The following RCOR2 variants were observed in gnomAD, a reference collection of about 807,000 sequenced individuals.
RCOR2 encodes REST corepressor 2.
A neutral mutation model predicts 58.9 loss-of-function variants in RCOR2; 19 were observed. That is an observed-to-expected ratio of 0.32 (90% CI 0.23 to 0.47). The LOEUF (loss-of-function observed/expected upper bound fraction) is 0.47, where lower values mean the gene tolerates loss of function less well. Ranked by LOEUF, RCOR2 falls within the 20% of genes least tolerant of loss-of-function variation. The pLI, the probability that RCOR2 is intolerant of heterozygous loss-of-function variation, is 1.00. For synonymous variants in RCOR2, 286 were observed against 278.7 expected, an observed-to-expected ratio of 1.03 and a Z score of -0.26; for missense variants, 590 against 707.9, an observed-to-expected ratio of 0.83 and a Z score of 1.89.
Position 63,916,503 on chromosome 11 carries a change from A to G in RCOR2, c.-47T>C, listed in dbSNP as rs1272151356. 6.4e-7 allele frequency: 1 copy of G among 1,573,888 alleles called. No individual in the cohort carries two copies. Among genetic ancestry groups the G allele is most frequent in the Non-Finnish European group, 8.6e-7 (1 of 1,162,346 alleles). ...GGGGCGCAGGAGCCTTCGGAGAGCG[A>G]CAGTGGTTGCCGCACTCGCTCCGAG... is the stretch of plus-strand genomic sequence containing the variant. On this transcript the variant is annotated 5_prime_UTR_variant, in exon 1 of 12. Coordinates refer to ENST00000301459, the MANE Select transcript of RCOR2 (RefSeq NM_173587.4).
rs1941865197 is a variant in RCOR2, at chr11:63,916,854, A to G, written c.-398T>C. The G allele has an allele frequency of 5.8e-6, 1 of 173,370 alleles. No individual in the cohort carries two copies. Among genetic ancestry groups the G allele is most frequent in the Admixed American group, 6.1e-5 (1 of 16,296 alleles). The allele number at this position is 173,370 out of a possible 1,614,324, so 10.7% of individuals were successfully genotyped here. On this transcript the variant is annotated 5_prime_UTR_variant, in exon 1 of 12. Transcript: ENST00000301459. The stretch of plus-strand genomic sequence containing the variant: ...TTCAGCGGCTGGGCGCTGGAGCGCA[A>G]TCTGCGCCCCCCGGGCTCTGCGCCT...
At chr11:63,917,734 CTGCTGCAGTA>C (rs1941881066), upstream of RCOR2, among the ~76,000 whole-genome samples, 1 of 152,164 alleles carries the variant, frequency 6.6e-6, no homozygotes. Flanking sequence ...TTCCCTTTAA[CTGCTGCAGTA>C]TGCACCCCTA....
At position 63,916,754 on chromosome 11, in the gene RCOR2, G is replaced by T. The variant is rs991749876; in HGVS notation, c.-298C>A. The stretch of plus-strand genomic sequence containing the variant: ...GTGATTACTATGTACGCCCCTCAGG[G>T]TTGGGGTTCCCCTGAAGTCGGGGCC... On this transcript the variant is annotated 5_prime_UTR_variant, in exon 1 of 12. Coordinates refer to ENST00000301459, the MANE Select transcript of RCOR2 (RefSeq NM_173587.4). 1 of 344,010 alleles carries T rather than the reference G, an allele frequency of 2.9e-6. No individual in the cohort carries two copies. Among genetic ancestry groups the T allele is most frequent in the Non-Finnish European group, 5.3e-6 (1 of 189,214 alleles). 21.3% of individuals were successfully genotyped at this position (344,010 alleles called of 1,614,324 possible). A position where few individuals can be genotyped will look rare whatever the true frequency, so the allele number is the denominator to read the frequency against.
At chr11:63,927,517 C>T in the RCOR2 span, among the ~76,000 whole-genome samples, 1 of 152,124 alleles carries the variant, frequency 6.6e-6, no homozygotes, top group Non-Finnish European at 1.5e-5. Context: ...GATCTGCCCG[C>T]CTCAGCCTCC....
At chr11:63,916,285 T>TC (rs771787581) in intron 1 of RCOR2, 45 bp downstream of exon 1, 2 of 1,498,782 alleles carry the variant, frequency 1.3e-6, no homozygotes, top group Non-Finnish European at 1.8e-6. Context: ...CCCACTCCGC[T>TC]CCCCCCAGGC....
chr11:63,913,944 A>G lies in RCOR2; in HGVS notation c.891+10T>C. 8 of 1,612,704 alleles carry G rather than the reference A, an allele frequency of 5.0e-6. No individual in the cohort carries two copies. The highest frequency in any genetic ancestry group is 6.8e-6 in the Non-Finnish European group (8 of 1,179,332). On this transcript the variant is annotated intron_variant, in intron 8 of 11. Coordinates refer to ENST00000301459, the MANE Select transcript of RCOR2 (RefSeq NM_173587.4). ...CCTTTGCATAGCCCGTTCATTTCCC[A>G]GGGCCCCACCTGGCGCTTGAGGGAG... is the stretch of plus-strand genomic sequence containing the variant.
In RCOR2 at chr11:63,912,143, A is replaced by C. The variant is rs1345993476; in HGVS notation, c.1294T>G (p.Ser432Ala). ...ITSVSTSVPR[S>A]VPPAPPPPPP... The stretch of plus-strand genomic sequence containing the variant: ...GGGGGTGGTGGCGCAGGGGGCACTG[A>C]TCGGGGCACGGACGTGGAGACCGAT... Residue 432 changes from serine (S) to alanine (A), a missense_variant, in exon 12 of 12, where the codon TCA becomes GCA. Physicochemically the swap from Ser to Ala is moderately conservative, Grantham distance 99 (BLOSUM62 1). Transcript: ENST00000301459. 1 of 1,527,962 alleles carries C rather than the reference A, an allele frequency of 6.5e-7. No individual in the cohort carries two copies. Among genetic ancestry groups the C allele is most frequent in the Non-Finnish European group, 8.8e-7 (1 of 1,142,814 alleles). The allele number at this position is 1,527,962 out of a possible 1,614,324, so 94.7% of individuals were successfully genotyped here.
In RCOR2 at chr11:63,915,466, G is replaced by A; in HGVS notation, c.184+89C>T. 4 of 1,385,966 alleles carry A rather than the reference G, an allele frequency of 2.9e-6. No homozygotes were observed. In the South Asian group the frequency reaches 5.0e-5, roughly 17 times the overall value. The allele number at this position is 1,385,966 out of a possible 1,614,324, so 85.9% of individuals were successfully genotyped here. On this transcript the variant is annotated intron_variant, in intron 2 of 11. Transcript: ENST00000301459. ...CCCCTGCCAGCCTGCCCTTCCAGGG[G>A]AGCCAATCAAGGGCGCCCCAGGTGG...
Position 63,911,634 on chromosome 11 carries a change from G to A in RCOR2, c.*231C>T, listed in dbSNP as rs998289917. Reference sequence around the variant, plus strand: ...CCAGTACCGGCCAGGAAGCGAAAGTGCCCTCAGGCCAGCTCAAAGGCCCCT... The same window carrying A: ...CCAGTACCGGCCAGGAAGCGAAAGTACCCTCAGGCCAGCTCAAAGGCCCCT... On this transcript the variant is annotated 3_prime_UTR_variant, in exon 12 of 12. Transcript: ENST00000301459. The A allele has an allele frequency of 1.8e-5, 10 of 541,456 alleles. No homozygotes were observed. Among genetic ancestry groups the A allele is most frequent in the Non-Finnish European group, 3.0e-5 (10 of 336,114 alleles). 33.5% of individuals were successfully genotyped at this position (541,456 alleles called of 1,614,324 possible).
upstream of RCOR2, among the ~76,000 whole-genome samples, chr11:63,919,691 G>A (rs1013333876): frequency 6.6e-6 from 1 of 152,232 alleles, no homozygotes; most frequent in African/African-American, 2.4e-5. Flanking sequence ...GCGCGGCCGA[G>A]AACCCGGGGC....
At position 63,912,502 on chromosome 11, in the gene RCOR2, T is replaced by C. The variant is rs1479720117; in HGVS notation, c.1060A>G (p.Ile354Val). 2 of 1,613,952 alleles carry C rather than the reference T, an allele frequency of 1.2e-6. No homozygotes were observed. Among genetic ancestry groups the C allele is most frequent in the Non-Finnish European group, 8.5e-7 (1 of 1,179,948 alleles). ...GTCTTGTTCCCAATCACCTCTGCAA[T>C]AGCCCCAAAGTCTTTGCCATACCTA... is the stretch of plus-strand genomic sequence containing the variant. ...IRRYGKDFGAIAEVIGNKTLT... is the reference protein window; with the variant it reads ...IRRYGKDFGAVAEVIGNKTLT... The change falls in exon 11 of 12, where the codon ATT becomes GTT. Residue 354 changes from isoleucine (I) to valine (V), a missense_variant. Coordinates refer to ENST00000301459, the MANE Select transcript of RCOR2 (RefSeq NM_173587.4).
Position 63,915,674 on chromosome 11 carries a change from G to A in RCOR2, c.128-63C>T, listed in dbSNP as rs571159384. 51 of 1,287,758 alleles carry A rather than the reference G, an allele frequency of 4.0e-5. No individual in the cohort carries two copies. In the African/African-American group the frequency reaches 6.8e-4, roughly 17 times the overall value. The allele number at this position is 1,287,758 out of a possible 1,614,324, so 79.8% of individuals were successfully genotyped here. A position where few individuals can be genotyped will look rare whatever the true frequency, so the allele number is the denominator to read the frequency against. On this transcript the variant is annotated intron_variant, in intron 1 of 11. Coordinates refer to ENST00000301459, the MANE Select transcript of RCOR2 (RefSeq NM_173587.4). ...GGGCGGGCGGGAGGGAGGATGTGGC[G>A]GGCGGGGGAGGTGGCCGGCCTGGAG... is the stretch of plus-strand genomic sequence containing the variant.
intron 1 of RCOR2, 42 bp from the exon 2 acceptor site, chr11:63,915,653 GGGCGGGAGGGAGGATGT>G: frequency 8.9e-7 from 1 of 1,127,966 alleles, no homozygotes; most frequent in Non-Finnish European, 1.3e-6. Context: ...CAGGGAGGGC[GGGCGGGAGGGAGGATGT>G]GGCGGGCGGG....
rs1006496514 is a variant in RCOR2 at position 63,916,985 on chromosome 11, G to GCGGCGA, written c.-530_-529insTCGCCG. The GCGGCGA allele has an allele frequency of 4.7e-5, 7 of 147,664 alleles. No individual in the cohort carries two copies. Among genetic ancestry groups the GCGGCGA allele is most frequent in the Non-Finnish European group, 1.1e-4 (7 of 66,092 alleles). The allele number at this position is 147,664 out of a possible 1,614,324, so 9.1% of individuals were successfully genotyped here. On this transcript the variant is annotated 5_prime_UTR_variant, in exon 1 of 12. Transcript: ENST00000301459. The stretch of plus-strand genomic sequence containing the variant: ...CGGGGCACCGGCGGCGGCGGCGGCG[G>GCGGCGA]CGACGGCGGCGGGACGGCGCGCACG...
intron 2 of RCOR2, 33 bp from the exon 3 acceptor site, chr11:63,915,291 C>A: frequency 6.5e-7 from 1 of 1,537,772 alleles, no homozygotes; most frequent in Non-Finnish European, 8.8e-7. Context: ...GGAAGACACT[C>A]AGATCAGCCT....
Position 63,914,317 on chromosome 11 carries a change from C to T in RCOR2, c.619G>A (p.Glu207Lys). The T allele has an allele frequency of 6.2e-7, 1 of 1,613,626 alleles. No individual in the cohort carries two copies. The highest frequency in any genetic ancestry group is 1.1e-5 in the South Asian group (1 of 91,082). Reference protein sequence around the residue: ...KDKEDSDELEEGRGGVSEGEP... With the variant: ...KDKEDSDELEKGRGGVSEGEP... ...CCCTCACTCACGCCTCCTCGACCCT[C>T]TTCGAGCTCATCACTGCTGACACAG... Residue 207 changes from glutamate (E) to lysine (K), a missense_variant, in exon 7 of 12, where the codon GAG (glutamate) becomes AAG (lysine). By Grantham distance (56) the Glu-to-Lys change is moderately conservative. Coordinates refer to ENST00000301459, the MANE Select transcript of RCOR2 (RefSeq NM_173587.4).
chr11:63,914,968 A>G lies in RCOR2; in HGVS notation c.266-14T>C. On this transcript the variant is annotated splice_polypyrimidine_tract_variant and intron_variant, in intron 3 of 11. Coordinates refer to ENST00000301459, the MANE Select transcript of RCOR2 (RefSeq NM_173587.4). Reference sequence around the variant, plus strand: ...TGTACTTGTCAACTGCAGGGGCAGCAGGGGCAGGGTCTTGGTGAAGGGGGT... The same window carrying G: ...TGTACTTGTCAACTGCAGGGGCAGCGGGGGCAGGGTCTTGGTGAAGGGGGT... 6.2e-7 allele frequency: 1 copy of G among 1,613,848 alleles called. No individual in the cohort carries two copies. The highest frequency in any genetic ancestry group is 8.5e-7 in the Non-Finnish European group (1 of 1,179,982).
chr11:63,927,055 C>T, the RCOR2 span, among the ~76,000 whole-genome samples: 1 of 151,640 alleles, frequency 6.6e-6, no homozygotes, highest in South Asian at 2.1e-4. Context: ...CTCATGTGAT[C>T]CACCCAAACT....
At chr11:63,921,209 C>A (rs1941914051), upstream of RCOR2, among the ~76,000 whole-genome samples, 2 of 152,172 alleles carry the variant, frequency 1.3e-5, no homozygotes, top group South Asian at 4.1e-4. Context: ...TGAGGGGGAG[C>A]CTGCTTGGTT....
Sources: allele counts gnomAD v4.1 joint callset (sites outside exome capture counted in the v4.1 genomes callset), GRCh38; gene constraint gnomAD v4.1.1; transcripts MANE v1.5; gene names NCBI Gene and HGNC (gene_info 2026-07-23, HGNC 2026-07-21).